Variants in KATNAL2 observed in about 807,000 individuals in gnomAD.
KATNAL2 encodes katanin p60 ATPase-containing subunit A-like 2.
A neutral mutation model predicts 76.3 loss-of-function variants in KATNAL2; 52 were observed. That is an observed-to-expected ratio of 0.68 (90% CI 0.55 to 0.86). KATNAL2 has a LOEUF of 0.86. KATNAL2 is among the 40% of genes least tolerant of loss of function. The pLI, the probability that KATNAL2 is intolerant of heterozygous loss-of-function variation, is 0.00. For missense variants in KATNAL2, 660 were observed against 668.9 expected, an observed-to-expected ratio of 0.99 and a Z score of 0.15; for synonymous variants, 243 against 244.2, an observed-to-expected ratio of 1.00 and a Z score of 0.05.
At chr18:47,046,706 C>T (rs1430970110) in intron 4 of KATNAL2, among the ~76,000 whole-genome samples, 179 bp downstream of exon 4, 3 of 152,162 alleles carry the variant, frequency 2.0e-5, no homozygotes, top group African/African-American at 7.2e-5. Context: ...TTTCCTCTCC[C>T]AGTGACATCT....
At chr18:46,933,391 C>T (rs1026811824) in intron 1 of KATNAL2, among the ~76,000 whole-genome samples, 1 of 152,106 alleles carries the variant, frequency 6.6e-6, no homozygotes, top group African/African-American at 2.4e-5. Flanking sequence ...CTAGTGCCCA[C>T]AGGAGATGAA....
At chr18:47,054,608 G>A (rs1441657858) in intron 6 of KATNAL2, 170 bp downstream of exon 6, 3 of 677,262 alleles carry the variant, frequency 4.4e-6, no homozygotes, top group African/African-American at 1.8e-5. Context: ...CCCAGATTTG[G>A]GCCAATGTCC....
intron 8 of KATNAL2, among the ~76,000 whole-genome samples, chr18:47,062,538 C>G (rs935098084): frequency 2.0e-5 from 3 of 152,132 alleles, no homozygotes; most frequent in Admixed American, 2.0e-4. Flanking sequence ...TCACAAAGAA[C>G]CTTTCACACT....
At position 46,926,481 on chromosome 18, in the gene KATNAL2, T is replaced by A. The variant is rs1161559858; in HGVS notation, c.-510+8555T>A. On this transcript the variant is annotated intron_variant, in intron 1 of 17. Coordinates refer to ENST00000683218, the MANE Select transcript of KATNAL2 (RefSeq NM_001387690.1). ...GTTATAATTGCTGTTCTTTTACATT[T>A]GCTGAGAAGTGCTTTACTTCCAACT... is the stretch of plus-strand genomic sequence containing the variant. 2.0e-5 allele frequency among the ~76,000 whole-genome samples: 3 copies of A among 152,224 alleles called. No homozygotes were observed. In the East Asian group the frequency reaches 5.8e-4, roughly 29 times the overall value.
At chr18:46,948,063 C>G (rs1000958492) in intron 3 of KATNAL2, among the ~76,000 whole-genome samples, 1 of 152,170 alleles carries the variant, frequency 6.6e-6, no homozygotes, top group Non-Finnish European at 1.5e-5. Context: ...TTGAAAAACA[C>G]AGCCGTAAAC....
At chr18:46,947,023 C>A (rs1422839119) in intron 3 of KATNAL2, 100 bp downstream of exon 3, 3 of 870,240 alleles carry the variant, frequency 3.4e-6, no homozygotes, top group Non-Finnish European at 5.5e-6. Context: ...CGACAGAGTC[C>A]GCTACTAGAG....
At chr18:46,928,107 G>C (rs187944462) in intron 1 of KATNAL2, among the ~76,000 whole-genome samples, 2 of 152,320 alleles carry the variant, frequency 1.3e-5, no homozygotes, top group East Asian at 1.9e-4. Context: ...TCTCCATCCA[G>C]CTTTGTTCCG....
intron 15 of KATNAL2, chr18:47,098,814 G>A (rs181263670): frequency 6.2e-6 from 1 of 162,408 alleles, no homozygotes; most frequent in Non-Finnish European, 1.3e-5. Flanking sequence ...CCAACTTATT[G>A]TCAGCAATAA....
intron 13 of KATNAL2, among the ~76,000 whole-genome samples, chr18:47,071,070 C>T (rs904598395): frequency 1.3e-4 from 20 of 152,146 alleles, no homozygotes; most frequent in Non-Finnish European, 2.8e-4. Flanking sequence ...ACAGTATTCA[C>T]AGGATGCAAA....
At chr18:46,933,011 C>T (rs1487068809) in intron 1 of KATNAL2, among the ~76,000 whole-genome samples, 3 of 152,108 alleles carry the variant, frequency 2.0e-5, no homozygotes. Flanking sequence ...GATCCGCCCT[C>T]CTCGGCCTCC....
In KATNAL2 at chr18:47,046,278, G is replaced by A. The variant is rs1484854977; in HGVS notation, c.52-179G>A. 2.9e-5 allele frequency: 17 copies of A among 580,868 alleles called. No individual in the cohort carries two copies. The East Asian group carries it at 4.8e-4, about 16-fold the overall frequency. 36.0% of individuals were successfully genotyped at this position (580,868 alleles called of 1,614,324 possible). A position where few individuals can be genotyped will look rare whatever the true frequency, so the allele number is the denominator to read the frequency against. The stretch of plus-strand genomic sequence containing the variant: ...TAAGTTTACAATTGAGAAGGCAGCT[G>A]TGAGAAGAAAATAACAATGGAAAAC... On this transcript the variant is annotated intron_variant, in intron 3 of 17. Transcript: ENST00000683218.
intron 3 of KATNAL2, chr18:47,034,169 C>A: frequency 6.2e-7 from 1 of 1,614,212 alleles, no homozygotes; most frequent in Admixed American, 1.7e-5. Context: ...TCCTCCACCT[C>A]AGAGAGGGAG....
At chr18:47,032,022 G>A (rs1327806813) in intron 3 of KATNAL2, among the ~76,000 whole-genome samples, 1 of 152,218 alleles carries the variant, frequency 6.6e-6, no homozygotes, top group Non-Finnish European at 1.5e-5. Flanking sequence ...ACTCAAGGTA[G>A]TTAACCCGGT....
At chr18:47,058,392 G>A (rs770428243) in intron 7 of KATNAL2, 40 bp downstream of exon 7, 3 of 1,179,900 alleles carry the variant, frequency 2.5e-6, no homozygotes, top group Admixed American at 1.9e-5. Context: ...CAGCACACTT[G>A]GCTGAAAAAT....
rs746204791 is a variant in KATNAL2 at position 47,100,839 on chromosome 18, GCT to G, written c.1478-26_1478-25del. Reference sequence around the variant, plus strand: ...TGATCACCAAGAGGTCGATTGTTGTGCTGTTACTGTTGTGTTCTTATCCTAGA... The same window carrying G: ...TGATCACCAAGAGGTCGATTGTTGTGGTTACTGTTGTGTTCTTATCCTAGA... On this transcript the variant is annotated intron_variant, in intron 17 of 17. Coordinates refer to ENST00000683218, the MANE Select transcript of KATNAL2 (RefSeq NM_001387690.1). 3.1e-6 allele frequency: 5 copies of G among 1,613,874 alleles called. No homozygotes were observed. In the Admixed American group the frequency reaches 8.3e-5, roughly 27 times the overall value.
rs1259912746 is a variant in KATNAL2, at chr18:47,052,914, AC to A, written c.158del (p.Thr53IlefsTer20). On this transcript the variant is annotated frameshift_variant, in exon 5 of 18. Coordinates refer to ENST00000683218, the MANE Select transcript of KATNAL2 (RefSeq NM_001387690.1). LOFTEE classifies it high-confidence loss of function. Reference protein sequence around the residue: ...IDTANALEQETKLGLRRFEVC... With the variant: ...IDTANALEQEXKLGLRRFEVC... Reference sequence around the variant, plus strand: ...TACAGCAAATGCTTTGGAGCAAGAAACTAAACTGGGGTTACGACGGTTTGAA... The same window carrying A: ...TACAGCAAATGCTTTGGAGCAAGAAATAAACTGGGGTTACGACGGTTTGAA... The A allele has an allele frequency of 6.2e-7, 1 of 1,611,910 alleles. No homozygotes were observed. Among genetic ancestry groups the A allele is most frequent in the East Asian group, 2.2e-5 (1 of 44,818 alleles).
intron 10 of KATNAL2, among the ~76,000 whole-genome samples, chr18:47,065,889 C>T (rs977590395): frequency 9.9e-5 from 15 of 151,934 alleles, no homozygotes; most frequent in Admixed American, 8.5e-4. Flanking sequence ...TGCTTGAGCC[C>T]GGGAGGTTGA....
intron 3 of KATNAL2, chr18:47,034,603 A>G (rs771933812): frequency 1.8e-5 from 29 of 1,614,152 alleles, no homozygotes; most frequent in Non-Finnish European, 2.3e-5. Context: ...GCTGTGGCTC[A>G]CAACGGCTTT....
intron 14 of KATNAL2, chr18:47,076,515 C>A (rs1182986248): frequency 1.3e-5 from 2 of 152,064 alleles, no homozygotes; most frequent in Non-Finnish European, 2.9e-5. Context: ...GAGCTCTGTC[C>A]CCAGTTTCCC....
Sources: gnomAD v4.1 joint callset for allele counts (sites outside exome capture counted in the v4.1 genomes callset) on GRCh38, gnomAD v4.1.1 for gene constraint, MANE v1.5 for transcripts, NCBI Gene and HGNC (gene_info 2026-07-23, HGNC 2026-07-21) for gene names.